LRRTM4: variants seen among roughly 807,000 people sequenced by gnomAD.
The protein encoded by LRRTM4 is leucine rich repeat transmembrane neuronal 4, also known as leucine-rich repeat transmembrane neuronal protein 4.
Under a neutral mutation model 47.6 loss-of-function variants are expected in LRRTM4, and 25 were observed. The ratio of observed to expected loss-of-function variants is 0.53; its 90% CI spans 0.38 to 0.73. The LOEUF (loss-of-function observed/expected upper bound fraction) is 0.73, where lower values mean the gene tolerates loss of function less well. Ranked by LOEUF, LRRTM4 falls within the 30% of genes least tolerant of loss-of-function variation. LRRTM4 has a pLI of 0.00. For synonymous variants in LRRTM4, 311 were observed against 269.5 expected (o/e 1.15, Z -1.51); for missense variants, 638 against 713.4 (o/e 0.89, Z 1.20).
intron 3 of LRRTM4, among the ~76,000 whole-genome samples, chr2:77,001,356 A>G (rs1250357560): frequency 1.3e-5 from 2 of 152,128 alleles, no homozygotes; most frequent in East Asian, 1.9e-4. Flanking sequence ...TGATGAATAT[A>G]TTACATGGAG....
chr2:76,789,265 C>G (rs1439327101), intron 3 of LRRTM4, among the ~76,000 whole-genome samples: 1 of 152,122 alleles, frequency 6.6e-6, no homozygotes, highest in Non-Finnish European at 1.5e-5. Context: ...ATACAAACAG[C>G]AGGGAGAACA....
chr2:77,508,016 T>C (rs1678846110), intron 3 of LRRTM4, among the ~76,000 whole-genome samples: 1 of 152,046 alleles, frequency 6.6e-6, no homozygotes, highest in Admixed American at 6.6e-5. Flanking sequence ...GAGTTCTAGC[T>C]CAAGTGAACA....
intron 3 of LRRTM4, among the ~76,000 whole-genome samples, chr2:76,857,524 T>C (rs1355728959): frequency 6.6e-6 from 1 of 151,952 alleles, no homozygotes; most frequent in African/African-American, 2.4e-5. Flanking sequence ...ATGCAGGGAA[T>C]TGACAACACT....
intron 3 of LRRTM4, among the ~76,000 whole-genome samples, chr2:76,812,641 A>G (rs1670766267): frequency 6.8e-6 from 1 of 147,934 alleles, no homozygotes; most frequent in East Asian, 2.0e-4. Context: ...CAGCCCCAAC[A>G]CTTTCCTATG....
At chr2:77,083,587 A>T (rs1476642760) in intron 3 of LRRTM4, among the ~76,000 whole-genome samples, 1 of 152,066 alleles carries the variant, frequency 6.6e-6, no homozygotes, top group Non-Finnish European at 1.5e-5. Context: ...AATATTAGAT[A>T]GTCAAGTACT....
intron 3 of LRRTM4, among the ~76,000 whole-genome samples, chr2:76,887,248 A>G (rs576777556): frequency 6.6e-6 from 1 of 151,898 alleles, no homozygotes; most frequent in East Asian, 1.9e-4. Flanking sequence ...TCATATGTCA[A>G]AGTAGATTCA....
intron 3 of LRRTM4, among the ~76,000 whole-genome samples, chr2:77,433,060 A>T (rs1190546212): frequency 6.6e-6 from 1 of 152,206 alleles, no homozygotes; most frequent in Non-Finnish European, 1.5e-5. Flanking sequence ...ATTGTGAAAG[A>T]CAAGGCAGAA....
In LRRTM4 at chr2:77,480,785, AGT is replaced by A. The variant is rs150441689; in HGVS notation, c.1551+37531_1551+37532del. Among the ~76,000 whole-genome samples the A allele has an allele frequency of 1.5e-3, 156 of 102,282 alleles. 1 individual carries two copies. The highest frequency in any genetic ancestry group is 3.1e-3 in the African/African-American group (72 of 23,536). The allele number at this position is 102,282 out of a possible 152,430, so 67.1% of individuals were successfully genotyped here. A position where few individuals can be genotyped will look rare whatever the true frequency, so the allele number is the denominator to read the frequency against. ...ACTTGCTATGTGTGGCTGTTTTAGGAGTGTGTGTGTGTGTGTGTGTGTGTGTG... is the reference window on the plus strand; with the variant it reads ...ACTTGCTATGTGTGGCTGTTTTAGGAGTGTGTGTGTGTGTGTGTGTGTGTG... On this transcript the variant is annotated intron_variant, in intron 3 of 3. Coordinates refer to ENST00000409884, the MANE Select transcript of LRRTM4 (RefSeq NM_001134745.3).
At chr2:77,126,720 C>T (rs1306718441) in intron 3 of LRRTM4, among the ~76,000 whole-genome samples, 1 of 151,968 alleles carries the variant, frequency 6.6e-6, no homozygotes, top group Non-Finnish European at 1.5e-5. Context: ...TTAATGGAGT[C>T]CTAGGGGGTT....
At chr2:77,054,171 C>T (rs1005924405) in intron 3 of LRRTM4, among the ~76,000 whole-genome samples, 1 of 152,070 alleles carries the variant, frequency 6.6e-6, no homozygotes, top group African/African-American at 2.4e-5. Flanking sequence ...ACAGGGCAGG[C>T]CAGAGAGACG....
intron 3 of LRRTM4, among the ~76,000 whole-genome samples, chr2:77,169,627 C>T (rs1285327540): frequency 2.0e-5 from 3 of 152,126 alleles, no homozygotes; most frequent in African/African-American, 7.2e-5. Context: ...ATTTGACCCC[C>T]ATTCTCTTTC....
At chr2:76,932,735 T>C (rs1275130722) in intron 3 of LRRTM4, among the ~76,000 whole-genome samples, 1 of 152,116 alleles carries the variant, frequency 6.6e-6, no homozygotes, top group Admixed American at 6.6e-5. Context: ...GACACACATG[T>C]GTTCTCTCTA....
chr2:77,442,025 G>A (rs72921940), intron 3 of LRRTM4, among the ~76,000 whole-genome samples: 7,117 of 152,162 alleles, frequency 0.047, 516 homozygotes, highest in African/African-American at 0.16. Flanking sequence ...CAGAGCAGAG[G>A]CAGAAGTGGA....
chr2:77,100,436 T>C (rs541393109), intron 3 of LRRTM4, among the ~76,000 whole-genome samples: 1 of 152,258 alleles, frequency 6.6e-6, no homozygotes, highest in Admixed American at 6.5e-5. Flanking sequence ...AATCATACCT[T>C]TAGCTCTAAT....
intron 3 of LRRTM4, among the ~76,000 whole-genome samples, chr2:77,318,810 T>C (rs984617956): frequency 6.6e-6 from 1 of 152,152 alleles, no homozygotes; most frequent in African/African-American, 2.4e-5. Context: ...GAATTAACAC[T>C]AGAAAACTAA....
chr2:76,869,545 T>A (rs527946510), intron 3 of LRRTM4, among the ~76,000 whole-genome samples: 2 of 151,978 alleles, frequency 1.3e-5, no homozygotes, highest in Non-Finnish European at 2.9e-5. Flanking sequence ...TGGGAAAGGG[T>A]AGATGATTGA....
At chr2:77,428,469 A>C (rs12105774) in intron 3 of LRRTM4, among the ~76,000 whole-genome samples, 2 of 152,192 alleles carry the variant, frequency 1.3e-5, no homozygotes, top group Admixed American at 1.3e-4. Context: ...CAAAACTTTC[A>C]TCAGGAGACT....
At chr2:77,187,585 T>G (rs1261330554) in intron 3 of LRRTM4, among the ~76,000 whole-genome samples, 2 of 151,836 alleles carry the variant, frequency 1.3e-5, no homozygotes, top group African/African-American at 4.8e-5. Flanking sequence ...GTAACAAACC[T>G]GCACGTTGTG....
chr2:77,049,071 G>T (rs1679327638), intron 3 of LRRTM4, among the ~76,000 whole-genome samples: 1 of 143,940 alleles, frequency 6.9e-6, no homozygotes, highest in Admixed American at 7.0e-5. Flanking sequence ...GCTCATCCGT[G>T]TTGCTGTGAA....
Sources: gnomAD v4.1 joint callset for allele counts (sites outside exome capture counted in the v4.1 genomes callset) on GRCh38, gnomAD v4.1.1 for gene constraint, MANE v1.5 for transcripts, NCBI Gene and HGNC (gene_info 2026-07-23, HGNC 2026-07-21) for gene names.